WDR76: variants seen among roughly 807,000 people sequenced by gnomAD.
WDR76 encodes the protein WD repeat-containing protein 76.
Under a neutral mutation model 70.2 loss-of-function variants are expected in WDR76, and 52 were observed. The ratio of observed to expected loss-of-function variants is 0.74; its 90% CI spans 0.59 to 0.93. The LOEUF (loss-of-function observed/expected upper bound fraction) is 0.93. Ranked by LOEUF, WDR76 falls within the 40% of genes least tolerant of loss-of-function variation. WDR76 has a pLI of 0.00. For missense variants in WDR76, 756 were observed against 760.2 expected, an observed-to-expected ratio of 0.99 and a Z score of 0.07; for synonymous variants, 292 against 271.1, an observed-to-expected ratio of 1.08 and a Z score of -0.76.
At position 43,866,484 on chromosome 15, in the gene WDR76, T is replaced by C; in HGVS notation, c.*92T>C. Reference sequence around the variant, plus strand: ...GCCTTAGTGTGTTTATGTGGTAATGTGTTACATTTAGCAATTATAACATTG... The same window carrying C: ...GCCTTAGTGTGTTTATGTGGTAATGCGTTACATTTAGCAATTATAACATTG... On this transcript the variant is annotated 3_prime_UTR_variant, in exon 13 of 13. Coordinates refer to ENST00000263795, the MANE Select transcript of WDR76 (RefSeq NM_024908.4). The C allele has an allele frequency of 7.2e-7, 1 of 1,396,350 alleles. No individual in the cohort carries two copies. Among genetic ancestry groups the C allele is most frequent in the Non-Finnish European group, 9.9e-7 (1 of 1,011,718 alleles). 86.5% of individuals were successfully genotyped at this position (1,396,350 alleles called of 1,614,324 possible).
At chr15:43,848,461 T>C (rs2087815526) in intron 8 of WDR76, among the ~76,000 whole-genome samples, 1 of 152,154 alleles carries the variant, frequency 6.6e-6, no homozygotes, top group Non-Finnish European at 1.5e-5. Context: ...GCACATTGGG[T>C]ATTCCGATTT....
intron 9 of WDR76, among the ~76,000 whole-genome samples, chr15:43,851,837 A>G (rs2087863687): frequency 6.6e-6 from 1 of 152,166 alleles, no homozygotes; most frequent in Non-Finnish European, 1.5e-5. Flanking sequence ...CAGGAGGCTG[A>G]GGTGGGAGAA....
At chr15:43,832,748 T>TG (rs1279636435) in intron 2 of WDR76, among the ~76,000 whole-genome samples, 3 of 126,750 alleles carry the variant, frequency 2.4e-5, no homozygotes, top group Non-Finnish European at 5.1e-5. Flanking sequence ...GCTTTGTTTT[T>TG]TTTTTTTTTT....
intron 6 of WDR76, 24 bp from the exon 7 acceptor site, chr15:43,842,604 C>T (rs1200418227): frequency 6.2e-7 from 1 of 1,606,074 alleles, no homozygotes; most frequent in East Asian, 2.2e-5. Flanking sequence ...TAACTTAGTT[C>T]TTTCATCTCT....
At position 43,831,501 on chromosome 15, in the gene WDR76, C is replaced by T. The variant is rs113785012; in HGVS notation, c.462+3135C>T. ...TTACCCAGGATGGAGTGCAGAGGCA[C>T]GATCTCAGCTCACTGCAACCTTCAC... On this transcript the variant is annotated intron_variant, in intron 2 of 12. Transcript: ENST00000263795. Among the ~76,000 whole-genome samples the T allele has an allele frequency of 5.5e-3, 828 of 151,742 alleles. 8 individuals carry two copies. Among genetic ancestry groups the T allele is most frequent in the African/African-American group, 0.018 (732 of 41,352 alleles).
At chr15:43,854,851 A>G (rs2087909298) in intron 9 of WDR76, among the ~76,000 whole-genome samples, 1 of 151,914 alleles carries the variant, frequency 6.6e-6, no homozygotes, top group Non-Finnish European at 1.5e-5. Context: ...TCAGAAGGCT[A>G]GGCCACGGAG....
chr15:43,857,621 A>G (rs1238963966), intron 10 of WDR76: 1 of 696,084 alleles, frequency 1.4e-6, no homozygotes, highest in Non-Finnish European at 1.8e-6. Context: ...GGAGTTCGAG[A>G]CCAGCCTGGC....
In WDR76 at chr15:43,827,323, A is replaced by G. The variant is rs75146818; in HGVS notation, c.60+231A>G. On this transcript the variant is annotated intron_variant, in intron 1 of 12. Transcript: ENST00000263795. ...AACCTTCTGCGTTTTCTTCTGCCAC[A>G]GTTATGATCGGCTTCACACTCTTTA... Among the ~76,000 whole-genome samples, 414 of 152,292 alleles carry G rather than the reference A, an allele frequency of 2.7e-3. 3 individuals are homozygous for G. Among genetic ancestry groups the G allele is most frequent in the African/African-American group, 9.6e-3 (397 of 41,554 alleles).
At chr15:43,834,801 A>G (rs2087634771) in intron 2 of WDR76, among the ~76,000 whole-genome samples, 1 of 152,172 alleles carries the variant, frequency 6.6e-6, no homozygotes, top group Non-Finnish European at 1.5e-5. Context: ...ATAATTTGCT[A>G]CTAGATCATA....
chr15:43,859,342 A>G (rs181599480), intron 11 of WDR76, among the ~76,000 whole-genome samples: 33 of 152,358 alleles, frequency 2.2e-4, no homozygotes, highest in African/African-American at 6.7e-4. Context: ...ATATAAACCA[A>G]TCGAACAAAA....
intron 2 of WDR76, among the ~76,000 whole-genome samples, chr15:43,831,765 T>C (rs1287782128): frequency 6.6e-6 from 1 of 152,102 alleles, no homozygotes; most frequent in African/African-American, 2.4e-5. Flanking sequence ...GTTTATTCTT[T>C]CATTTTGGTG....
rs546677764 is a variant in WDR76 at position 43,853,805 on chromosome 15, C to A, written c.1191+2560C>A. 5.3e-5 allele frequency among the ~76,000 whole-genome samples: 8 copies of A among 151,070 alleles called. No homozygotes were observed. In the East Asian group the frequency reaches 1.6e-3, roughly 30 times the overall value. On this transcript the variant is annotated intron_variant, in intron 9 of 12. Coordinates refer to ENST00000263795, the MANE Select transcript of WDR76 (RefSeq NM_024908.4). ...CCTGTAGTCCCAGCTACTGGGGACG[C>A]TGAGGCAGGAGAATCGCTTGAACCC...
At chr15:43,830,287 G>A (rs1228843120) in intron 2 of WDR76, among the ~76,000 whole-genome samples, 1 of 152,064 alleles carries the variant, frequency 6.6e-6, no homozygotes, top group South Asian at 2.1e-4. Flanking sequence ...AAGAAGTCAG[G>A]CTCGGTGGCT....
Position 43,866,236 on chromosome 15 carries a change from A to T in WDR76, c.1725A>T (p.Glu575Asp). 1 of 1,614,176 alleles carries T rather than the reference A, an allele frequency of 6.2e-7. No individual in the cohort carries two copies. The highest frequency in any genetic ancestry group is 1.7e-4 in the Middle Eastern group (1 of 6,060). ...VGSMAHPRRVEIFHETGKRVH... is the reference protein window; with the variant it reads ...VGSMAHPRRVDIFHETGKRVH... The stretch of plus-strand genomic sequence containing the variant: ...GCATGGCCCATCCACGACGGGTAGA[A>T]ATCTTCCATGAGACAGGAAAGAGGG... Residue 575 changes from glutamate (E) to aspartate (D), a missense_variant, in exon 13 of 13, where the codon GAA (glutamate) becomes GAT (aspartate). Physicochemically the swap from Glu to Asp is conservative, Grantham distance 45 (BLOSUM62 2). Coordinates refer to ENST00000263795, the MANE Select transcript of WDR76 (RefSeq NM_024908.4).
intron 4 of WDR76, among the ~76,000 whole-genome samples, chr15:43,837,595 A>G (rs1397837886): frequency 2.6e-5 from 4 of 152,166 alleles, no homozygotes; most frequent in Admixed American, 2.6e-4. Flanking sequence ...ACTTACAGCT[A>G]TGACAGTAAC....
intron 2 of WDR76, among the ~76,000 whole-genome samples, chr15:43,833,479 CGGCTAATTTT>C (rs1194367524): frequency 6.6e-6 from 1 of 151,704 alleles, no homozygotes; most frequent in Non-Finnish European, 1.5e-5. Flanking sequence ...CCACCATGCC[CGGCTAATTTT>C]TTGTATTTTT....
chr15:43,836,142 T>C lies in WDR76; in HGVS notation c.553-19T>C. On this transcript the variant is annotated intron_variant, in intron 3 of 12. Transcript: ENST00000263795. ...GATACGTAGTTATAACATTTTTACA[T>C]GATTTTTATACTTTACAGTCTGCTG... The C allele has an allele frequency of 6.3e-7, 1 of 1,596,412 alleles. No homozygotes were observed. Among genetic ancestry groups the C allele is most frequent in the Non-Finnish European group, 8.5e-7 (1 of 1,173,274 alleles).
chr15:43,842,588 A>G, intron 6 of WDR76, 40 bp from the exon 7 acceptor site: 2 of 1,598,480 alleles, frequency 1.3e-6, no homozygotes, highest in Non-Finnish European at 1.7e-6. Flanking sequence ...AAAAATATAT[A>G]CATACTAACT....
At chr15:43,831,928 T>C (rs2087595077) in intron 2 of WDR76, among the ~76,000 whole-genome samples, 1 of 151,782 alleles carries the variant, frequency 6.6e-6, no homozygotes, top group South Asian at 2.1e-4. Flanking sequence ...TTTGTTTTTT[T>C]AATAGAGATG....
Sources: allele counts gnomAD v4.1 joint callset (sites outside exome capture counted in the v4.1 genomes callset), GRCh38; gene constraint gnomAD v4.1.1; transcripts MANE v1.5; gene names NCBI Gene and HGNC (gene_info 2026-07-23, HGNC 2026-07-21).